Variants in ADAM9 observed in about 807,000 individuals in gnomAD.
ADAM9 encodes disintegrin and metalloproteinase domain-containing protein 9.
A neutral mutation model predicts 108.1 loss-of-function variants in ADAM9; 54 were observed. The ratio of observed to expected loss-of-function variants is 0.50; its 90% CI spans 0.40 to 0.63. The LOEUF is 0.63. ADAM9 is among the 20% of genes least tolerant of loss of function. The pLI, the probability that ADAM9 is intolerant of heterozygous loss-of-function variation, is 0.00. For synonymous variants in ADAM9, 316 were observed against 336.0 expected, an observed-to-expected ratio of 0.94 and a Z score of 0.65; for missense variants, 830 against 997.7, an observed-to-expected ratio of 0.83 and a Z score of 2.26.
chr8:39,062,388 A>G (rs764667665), intron 14 of ADAM9, among the ~76,000 whole-genome samples: 1 of 152,282 alleles, frequency 6.6e-6, no homozygotes, highest in Middle Eastern at 3.4e-3. Context: ...TGTTTTTATG[A>G]TTCAAATTAG....
intron 1 of ADAM9, among the ~76,000 whole-genome samples, chr8:39,004,887 T>G (rs1464303065): frequency 1.3e-5 from 2 of 152,126 alleles, no homozygotes; most frequent in African/African-American, 2.4e-5. Context: ...GCAGTCTTGG[T>G]TTTGGTGGGT....
At chr8:39,045,502 ATG>A (rs778848110) in intron 12 of ADAM9, among the ~76,000 whole-genome samples, 2 of 143,376 alleles carry the variant, frequency 1.4e-5, no homozygotes, top group African/African-American at 2.6e-5. Context: ...GTGTATACAT[ATG>A]TGTGTGTACA....
At chr8:39,050,840 T>G (rs974903065) in intron 12 of ADAM9, among the ~76,000 whole-genome samples, 10 of 150,170 alleles carry the variant, frequency 6.7e-5, no homozygotes, top group Non-Finnish European at 1.3e-4. Context: ...GTTTTTTTTT[T>G]TTTTTTTTTT....
In ADAM9 at chr8:38,997,131, TG is replaced by T; in HGVS notation, c.71del (p.Gly24AlafsTer23). On this transcript the variant is annotated frameshift_variant, in exon 1 of 22. Transcript: ENST00000487273. LOFTEE classifies it high-confidence loss of function. ...CGGTGGTTGCTGTTGCTTGGCCTGG[TG>T]GGCCCAGTCCTCGGTGCGGCGCGGC... ...RVRWLLLLGL[V>X]GPVLGAARPG... 1 of 1,603,312 alleles carries T rather than the reference TG, an allele frequency of 6.2e-7. No individual in the cohort carries two copies.
chr8:39,032,014 A>G (rs1331846284), intron 11 of ADAM9, among the ~76,000 whole-genome samples: 1 of 152,164 alleles, frequency 6.6e-6, no homozygotes, highest in Non-Finnish European at 1.5e-5. Context: ...AGAACAGCAA[A>G]TATTGCTGCC....
chr8:39,017,201 G>A lies in ADAM9; in HGVS notation c.411-18G>A, dbSNP rs768812089. ...TTTCTTTTTCTTAAAATTTGTATAC[G>A]TGTAATGCAACATTCAGAGGATTGC... is the stretch of plus-strand genomic sequence containing the variant. On this transcript the variant is annotated intron_variant, in intron 5 of 21. Transcript: ENST00000487273. 4.3e-6 allele frequency: 7 copies of A among 1,613,468 alleles called. No individual in the cohort carries two copies. The highest frequency in any genetic ancestry group is 4.5e-5 in the East Asian group (2 of 44,868).
rs1473967118 is a variant in ADAM9, at chr8:39,104,269, A to G, written c.*569A>G. 6.6e-6 allele frequency: 3 copies of G among 452,876 alleles called. No individual in the cohort carries two copies. Among genetic ancestry groups the G allele is most frequent in the Non-Finnish European group, 1.3e-5 (3 of 226,024 alleles). 28.1% of individuals were successfully genotyped at this position (452,876 alleles called of 1,614,324 possible). A position where few individuals can be genotyped will look rare whatever the true frequency, so the allele number is the denominator to read the frequency against. ...TTCAAAAGAATGCACAAGAACCACA[A>G]TTAAGATGTCATATTATTTTGAAAG... On this transcript the variant is annotated 3_prime_UTR_variant, in exon 22 of 22. Coordinates refer to ENST00000487273, the MANE Select transcript of ADAM9 (RefSeq NM_003816.3).
intron 14 of ADAM9, among the ~76,000 whole-genome samples, 168 bp from the exon 15 acceptor site, chr8:39,071,130 A>G (rs1838672146): frequency 6.6e-6 from 1 of 152,206 alleles, no homozygotes; most frequent in Non-Finnish European, 1.5e-5. Flanking sequence ...TACATATGAA[A>G]TGTGGAACAA....
At chr8:39,067,006 G>A (rs889439621) in intron 14 of ADAM9, among the ~76,000 whole-genome samples, 5 of 152,100 alleles carry the variant, frequency 3.3e-5, no homozygotes, top group African/African-American at 1.2e-4. Context: ...TATTAAATAG[G>A]GAATCCTTTC....
At chr8:39,045,839 A>G (rs1206416499) in intron 12 of ADAM9, among the ~76,000 whole-genome samples, 2 of 151,948 alleles carry the variant, frequency 1.3e-5, no homozygotes, top group South Asian at 2.1e-4. Flanking sequence ...CCAACAATGT[A>G]TAAGCATTCC....
At chr8:39,002,923 C>G (rs183384536) in intron 1 of ADAM9, among the ~76,000 whole-genome samples, 2 of 152,114 alleles carry the variant, frequency 1.3e-5, no homozygotes, top group African/African-American at 4.8e-5. Context: ...CTGCAACCTC[C>G]CCCTCCTGGG....
intron 14 of ADAM9, among the ~76,000 whole-genome samples, chr8:39,057,042 C>T (rs1838146680): frequency 6.6e-6 from 1 of 152,072 alleles, no homozygotes; most frequent in Non-Finnish European, 1.5e-5. Flanking sequence ...TGTTTAGATA[C>T]CTTTTCTATG....
intron 11 of ADAM9, among the ~76,000 whole-genome samples, chr8:39,031,897 A>C (rs1837105139): frequency 6.6e-6 from 1 of 152,122 alleles, no homozygotes; most frequent in African/African-American, 2.4e-5. Flanking sequence ...TTTCCTTCTG[A>C]CAGTCAGGTC....
intron 15 of ADAM9, among the ~76,000 whole-genome samples, chr8:39,073,738 T>C (rs116672953): frequency 0.019 from 2,834 of 152,296 alleles, 97 homozygotes; most frequent in African/African-American, 0.064. Context: ...TTCTTGTCTT[T>C]AGCCTTGTCT....
At chr8:39,015,402 T>C (rs1564240190) in intron 4 of ADAM9, 1 of 152,338 alleles carries the variant, frequency 6.6e-6, no homozygotes, top group Non-Finnish European at 1.5e-5. Flanking sequence ...CTTATGTAAC[T>C]ATTATCTTAT....
intron 3 of ADAM9, 117 bp from the exon 4 acceptor site, chr8:39,013,848 C>G (rs1836436741): frequency 2.4e-6 from 2 of 818,452 alleles, no homozygotes; most frequent in African/African-American, 3.5e-5. Context: ...AATAATTTAT[C>G]TGGTGAAAGT....
chr8:39,040,408 T>C (rs1326761705), intron 11 of ADAM9, among the ~76,000 whole-genome samples: 3 of 152,220 alleles, frequency 2.0e-5, no homozygotes, highest in Non-Finnish European at 4.4e-5. Context: ...CATTGTGGTT[T>C]TGATTTGCAC....
intron 12 of ADAM9, among the ~76,000 whole-genome samples, chr8:39,047,408 A>T (rs1338143571): frequency 6.6e-6 from 1 of 152,166 alleles, no homozygotes; most frequent in Non-Finnish European, 1.5e-5. Flanking sequence ...GGTAGATTTC[A>T]CCAGTAAAGC....
At chr8:39,103,174 C>T (rs1839754113) in intron 21 of ADAM9, among the ~76,000 whole-genome samples, 1 of 152,168 alleles carries the variant, frequency 6.6e-6, no homozygotes, top group African/African-American at 2.4e-5. Context: ...GAAGTCATAA[C>T]ACTTTTAATT....
Sources: gnomAD v4.1 joint callset for allele counts (sites outside exome capture counted in the v4.1 genomes callset) on GRCh38, gnomAD v4.1.1 for gene constraint, MANE v1.5 for transcripts, NCBI Gene and HGNC (gene_info 2026-07-23, HGNC 2026-07-21) for gene names.